The following MRC1 variants were observed in gnomAD, a reference collection of about 807,000 sequenced individuals.
MRC1 encodes mannose receptor C-type 1.
Under a neutral mutation model 102.9 loss-of-function variants are expected in MRC1, and 62 were observed. That is an observed-to-expected ratio of 0.60 (90% CI 0.49 to 0.74). MRC1 has a LOEUF of 0.74. Among genes scored for constraint, MRC1 ranks in the 30% least tolerant of loss-of-function variants. The pLI is 0.00. For missense variants in MRC1, 1,237 were observed against 862.8 expected (o/e 1.43, Z -5.43); for synonymous variants, 457 against 298.4 (o/e 1.53, Z -5.48).
At chr10:17,890,924 A>G (rs1554843061) in intron 22 of MRC1, among the ~76,000 whole-genome samples, 1 of 151,940 alleles carries the variant, frequency 6.6e-6, no homozygotes, top group African/African-American at 2.4e-5. Flanking sequence ...CTCCTGTCAG[A>G]TCAGCAGTGG....
chr10:17,900,356 A>T (rs1554843608), intron 24 of MRC1, among the ~76,000 whole-genome samples: 1 of 152,094 alleles, frequency 6.6e-6, no homozygotes, highest in African/African-American at 2.4e-5. Flanking sequence ...ATGAGAAGAT[A>T]TGAAGAGATG....
chr10:17,869,612 A>G (rs912072271), intron 12 of MRC1, among the ~76,000 whole-genome samples: 3,635 of 152,250 alleles, frequency 0.024, 129 homozygotes, highest in African/African-American at 0.082. Flanking sequence ...TTATGACACA[A>G]TTCCTAAATC....
chr10:17,832,349 G>T (rs1838587344), intron 3 of MRC1, among the ~76,000 whole-genome samples: 1 of 150,894 alleles, frequency 6.6e-6, no homozygotes, highest in Admixed American at 6.6e-5. Context: ...AAGGTCAGGA[G>T]ATCGAGACCA....
intron 11 of MRC1, among the ~76,000 whole-genome samples, chr10:17,864,957 C>T (rs1260474545): frequency 6.6e-6 from 1 of 152,044 alleles, no homozygotes; most frequent in Non-Finnish European, 1.5e-5. Context: ...ACTCGCACCA[C>T]CCTGCCTGCC....
At chr10:17,902,154 A>G (rs1833837578) in intron 26 of MRC1, 32 bp downstream of exon 26, 3 of 772,884 alleles carry the variant, frequency 3.9e-6, no homozygotes, top group Non-Finnish European at 7.2e-6. Context: ...GGAAAACTCC[A>G]TAATCATCTA....
At chr10:17,822,902 C>T (rs1156759239) in intron 1 of MRC1, among the ~76,000 whole-genome samples, 172 bp from the exon 2 acceptor site, 2 of 152,082 alleles carry the variant, frequency 1.3e-5, no homozygotes, top group Non-Finnish European at 2.9e-5. Context: ...CAGGGATCCT[C>T]GAAGAGAGCT....
chr10:17,846,348 T>A (rs1589175335), intron 6 of MRC1, among the ~76,000 whole-genome samples: 1 of 150,682 alleles, frequency 6.6e-6, no homozygotes, highest in African/African-American at 2.4e-5. Context: ...ACATATTTTT[T>A]ATTATTACCT....
intron 7 of MRC1, among the ~76,000 whole-genome samples, chr10:17,850,288 C>T (rs1385695282): frequency 7.7e-6 from 1 of 129,084 alleles, no homozygotes; most frequent in East Asian, 2.3e-4. Context: ...TAGATGTCAG[C>T]CTAAACCTTT....
chr10:17,846,541 G>A (rs1366486830), intron 6 of MRC1, among the ~76,000 whole-genome samples: 1 of 152,000 alleles, frequency 6.6e-6, no homozygotes, highest in East Asian at 1.9e-4. Flanking sequence ...TAAATAATAA[G>A]GTTTTCCCTA....
intron 1 of MRC1, among the ~76,000 whole-genome samples, chr10:17,816,938 A>C (rs2461142): frequency 0.49 from 75,087 of 151,930 alleles, 18,651 homozygotes; most frequent in Middle Eastern, 0.59. Context: ...GTTGCGGCAT[A>C]ATTTTAAAAA....
At chr10:17,820,792 A>G (rs1554838225) in intron 1 of MRC1, among the ~76,000 whole-genome samples, 3 of 152,340 alleles carry the variant, frequency 2.0e-5, no homozygotes, top group South Asian at 2.1e-4. Context: ...AGAGTTCATT[A>G]CATTTTGAGA....
intron 26 of MRC1, among the ~76,000 whole-genome samples, chr10:17,902,506 A>G (rs1833842131): frequency 6.6e-6 from 1 of 152,134 alleles, no homozygotes; most frequent in South Asian, 2.1e-4. Flanking sequence ...ATTTCTATTT[A>G]TTGTTTTTGT....
intron 6 of MRC1, 68 bp downstream of exon 6, chr10:17,845,503 A>G: frequency 1.3e-6 from 1 of 774,522 alleles, no homozygotes; most frequent in Non-Finnish European, 2.4e-6. Flanking sequence ...ATTACAGCTT[A>G]GGTGTAACTG....
At chr10:17,861,788 T>G (rs1033597054) in intron 10 of MRC1, among the ~76,000 whole-genome samples, 1 of 152,196 alleles carries the variant, frequency 6.6e-6, no homozygotes, top group Non-Finnish European at 1.5e-5. Context: ...CCATTCGACG[T>G]TGAATTTTTT....
chr10:17,836,093 G>C (rs1253715856), intron 4 of MRC1, among the ~76,000 whole-genome samples: 2 of 152,214 alleles, frequency 1.3e-5, no homozygotes, highest in Non-Finnish European at 2.9e-5. Flanking sequence ...TGGTGACCTT[G>C]TCTGTTAAAA....
At chr10:17,833,961 T>C (rs1205492215) in intron 4 of MRC1, 122 bp downstream of exon 4, 1 of 661,918 alleles carries the variant, frequency 1.5e-6, no homozygotes, top group Non-Finnish European at 2.8e-6. Flanking sequence ...AAGCAGTTTA[T>C]GTGGATGTCA....
At chr10:17,863,872 G>A (rs1833223134) in intron 11 of MRC1, among the ~76,000 whole-genome samples, 190 bp downstream of exon 11, 1 of 150,106 alleles carries the variant, frequency 6.7e-6, no homozygotes, top group Non-Finnish European at 1.5e-5. Context: ...TTCCCAATAG[G>A]TTTAGTGTTC....
At chr10:17,845,569 A>G (rs1838814538) in intron 6 of MRC1, 134 bp downstream of exon 6, 1 of 719,476 alleles carries the variant, frequency 1.4e-6, no homozygotes. Context: ...TAATGATATT[A>G]CTGCAATATT....
intron 3 of MRC1, among the ~76,000 whole-genome samples, chr10:17,828,801 G>A (rs890818076): frequency 2.6e-5 from 4 of 151,564 alleles, no homozygotes; most frequent in African/African-American, 4.9e-5. Flanking sequence ...TAGTGGGAAA[G>A]CACCAGAACA....
Sources: allele counts gnomAD v4.1 joint callset (sites outside exome capture counted in the v4.1 genomes callset), GRCh38; gene constraint gnomAD v4.1.1; transcripts MANE v1.5; gene names NCBI Gene and HGNC (gene_info 2026-07-23, HGNC 2026-07-21).